Variants in ARHGAP5 observed in about 807,000 individuals in gnomAD.
ARHGAP5 encodes rho GTPase-activating protein 5.
In ARHGAP5, 23 loss-of-function variants were observed where a neutral mutation model predicts 116.6. That is an observed-to-expected ratio of 0.20 (90% confidence interval 0.14 to 0.28). The LOEUF (loss-of-function observed/expected upper bound fraction) is 0.28, where lower values mean the gene tolerates loss of function less well. ARHGAP5 is among the 10% of genes least tolerant of loss of function. ARHGAP5 has a pLI of 1.00. For synonymous variants in ARHGAP5, 574 were observed against 602.0 expected (o/e 0.95, Z 0.68); for missense variants, 1,405 against 1,774.8 (o/e 0.79, Z 3.74).
chr14:32,089,233 T>C (rs2041860558), intron 1 of ARHGAP5, among the ~76,000 whole-genome samples: 1 of 151,988 alleles, frequency 6.6e-6, no homozygotes, highest in Non-Finnish European at 1.5e-5. Flanking sequence ...GTGTAACATA[T>C]GTTCGGTGTA....
intron 3 of ARHGAP5, among the ~76,000 whole-genome samples, chr14:32,129,016 T>A (rs1880338694): frequency 6.6e-6 from 1 of 152,208 alleles, no homozygotes; most frequent in Non-Finnish European, 1.5e-5. Context: ...TTTTTCTGCA[T>A]TTTTAGTTTT....
intron 1 of ARHGAP5, among the ~76,000 whole-genome samples, chr14:32,077,663 C>T (rs1467229876): frequency 2.0e-5 from 3 of 151,908 alleles, no homozygotes; most frequent in Non-Finnish European, 2.9e-5. Flanking sequence ...GCAGAGAGGC[C>T]GGGGGAGGGG....
intron 3 of ARHGAP5, among the ~76,000 whole-genome samples, chr14:32,134,363 G>A (rs1880674698): frequency 6.6e-6 from 1 of 152,132 alleles, no homozygotes; most frequent in African/African-American, 2.4e-5. Context: ...ACTCGTTTTT[G>A]ATAAATTGAG....
rs763829353 is a variant in ARHGAP5 at position 32,092,879 on chromosome 14, A to G, written c.2210A>G (p.Tyr737Cys). The G allele has an allele frequency of 5.0e-6, 8 of 1,613,876 alleles. No individual in the cohort carries two copies. In the African/African-American group the frequency reaches 1.1e-4, roughly 22 times the overall value. Reference protein sequence around the residue: ...CPFVDVPAGTYPRKFNETQIK... With the variant: ...CPFVDVPAGTCPRKFNETQIK... ...TTTGTAGATGTACCTGCTGGTACAT[A>G]TCCTCGTAAATTTAATGAAACCCAA... Residue 737 changes from tyrosine to cysteine, a missense_variant, in exon 2 of 7, where the codon TAT becomes TGT. This residue lies in a region of ARHGAP5 where 944 missense variants were observed against 1,095.3 expected (regional missense o/e 0.86). Coordinates refer to ENST00000345122, the MANE Select transcript of ARHGAP5 (RefSeq NM_001030055.2). The surrounding 1 kb of genome is among the most constrained non-coding windows in gnomAD (Gnocchi z 4.1).
intron 1 of ARHGAP5, among the ~76,000 whole-genome samples, chr14:32,082,414 AC>A (rs1471082946): frequency 3.3e-5 from 5 of 152,338 alleles, no homozygotes; most frequent in South Asian, 2.1e-4. Context: ...AGTGAAATGA[AC>A]CACCATCTAT....
At chr14:32,119,363 T>C (rs1223368279) in intron 3 of ARHGAP5, among the ~76,000 whole-genome samples, 1 of 152,120 alleles carries the variant, frequency 6.6e-6, no homozygotes, top group Non-Finnish European at 1.5e-5. Context: ...TGTAGTGATA[T>C]AAATGATCAG....
chr14:32,110,991 T>G (rs1278613476), intron 2 of ARHGAP5, among the ~76,000 whole-genome samples: 1 of 152,012 alleles, frequency 6.6e-6, no homozygotes, highest in Admixed American at 6.5e-5. Context: ...TAAACTGATG[T>G]TGTTAGGGTG....
intron 3 of ARHGAP5, among the ~76,000 whole-genome samples, chr14:32,135,563 C>T (rs61427077): frequency 7.9e-5 from 12 of 152,078 alleles, no homozygotes; most frequent in South Asian, 2.1e-4. Context: ...GCTGGGTTTA[C>T]GGGCACATGC....
chr14:32,154,835 C>A lies in ARHGAP5; in HGVS notation c.4396C>A (p.Pro1466Thr). 1 of 1,614,102 alleles carries A rather than the reference C, an allele frequency of 6.2e-7. No individual in the cohort carries two copies. Among genetic ancestry groups the A allele is most frequent in the Non-Finnish European group, 8.5e-7 (1 of 1,179,954 alleles). ...GACAAACATTGTGGCTCCTCCACCA[C>A]CTTCAAACCCAGGACAGTTGGTGGA... ...ETTNIVAPPP[P>T]SNPGQLVEPM... is the part of the protein sequence containing the mutation. The change falls in exon 7 of 7, where the codon CCT (proline) becomes ACT (threonine). Residue 1466 changes from proline to threonine, a missense_variant. Transcript: ENST00000345122.
At chr14:32,131,199 G>A (rs960709243) in intron 3 of ARHGAP5, among the ~76,000 whole-genome samples, 1 of 147,774 alleles carries the variant, frequency 6.8e-6, no homozygotes, top group Non-Finnish European at 1.5e-5. Context: ...CTTTTTTGTT[G>A]TATCAATCCA....
At chr14:32,079,433 C>T (rs79479381) in intron 1 of ARHGAP5, among the ~76,000 whole-genome samples, 1 of 152,094 alleles carries the variant, frequency 6.6e-6, no homozygotes, top group African/African-American at 2.4e-5. Context: ...AAATTATTAC[C>T]TTAATTCTGT....
rs527860990 is a variant in ARHGAP5, at chr14:32,149,869, A to G, written c.3944-33A>G. 2.5e-5 allele frequency: 32 copies of G among 1,288,022 alleles called. No individual in the cohort carries two copies. In the Admixed American group the frequency reaches 3.0e-4, roughly 12 times the overall value. 79.8% of individuals were successfully genotyped at this position (1,288,022 alleles called of 1,614,324 possible). A position where few individuals can be genotyped will look rare whatever the true frequency, so the allele number is the denominator to read the frequency against. ...CTTGCTTCTATAATAAAGTTTTATT[A>G]TATAATTTAAAATGTTAATTTTTGT... is the stretch of plus-strand genomic sequence containing the variant. On this transcript the variant is annotated intron_variant, in intron 4 of 6. Transcript: ENST00000345122.
In ARHGAP5 at chr14:32,152,429, C is replaced by T. The variant is rs371504762; in HGVS notation, c.4082C>T (p.Pro1361Leu). ...HPELLEAAKI[P>L]DKTERLHALK... Reference sequence around the variant, plus strand: ...CACTGTTTTAATTTTACAGAAATCCCGGATAAAACAGAACGTCTTCATGCC... The same window carrying T: ...CACTGTTTTAATTTTACAGAAATCCTGGATAAAACAGAACGTCTTCATGCC... The change falls in exon 6 of 7, where the codon CCG becomes CTG. Residue 1361 changes from proline to leucine, a missense_variant. Pro to Leu is a moderately conservative substitution (Grantham distance 98). Transcript: ENST00000345122. 9.0e-5 allele frequency: 143 copies of T among 1,589,784 alleles called. No homozygotes were observed. Among genetic ancestry groups the T allele is most frequent in the Non-Finnish European group, 1.0e-4 (120 of 1,169,492 alleles).
chr14:32,134,357 G>A (rs145113341), intron 3 of ARHGAP5, among the ~76,000 whole-genome samples: 3 of 152,136 alleles, frequency 2.0e-5, no homozygotes, highest in African/African-American at 2.4e-5. Context: ...TAAGAAACTC[G>A]TTTTTGATAA....
chr14:32,149,754 C>G, intron 4 of ARHGAP5, 148 bp from the exon 5 acceptor site: 1 of 382,152 alleles, frequency 2.6e-6, no homozygotes, highest in Non-Finnish European at 4.4e-6. Flanking sequence ...GCTGGGGCAA[C>G]AAAAGTAAAA....
intron 2 of ARHGAP5, among the ~76,000 whole-genome samples, chr14:32,112,172 CTTG>C (rs1213994346): frequency 1.3e-5 from 2 of 152,120 alleles, no homozygotes; most frequent in African/African-American, 4.8e-5. Flanking sequence ...ATCCAGTTTT[CTTG>C]TTTCCACAGC....
chr14:32,116,450 G>A (rs1879597600), intron 2 of ARHGAP5, among the ~76,000 whole-genome samples: 2 of 150,614 alleles, frequency 1.3e-5, no homozygotes, highest in African/African-American at 4.9e-5. Context: ...ATAATTAGCC[G>A]GGCGTGGTGG....
intron 2 of ARHGAP5, among the ~76,000 whole-genome samples, chr14:32,100,473 C>CGT (rs202238120): frequency 5.0e-4 from 76 of 152,222 alleles, no homozygotes; most frequent in African/African-American, 1.7e-3. Context: ...ACTAGGACTA[C>CGT]GTGTGTGTGC....
At chr14:32,117,099 A>G (rs752993034) in intron 2 of ARHGAP5, 41 bp from the exon 3 acceptor site, 1 of 1,487,594 alleles carries the variant, frequency 6.7e-7, no homozygotes, top group South Asian at 1.3e-5. Context: ...TTATTCTGAA[A>G]TTAATTTTAA....
Sources: gnomAD v4.1 joint callset for allele counts (sites outside exome capture counted in the v4.1 genomes callset) on GRCh38, gnomAD v4.1.1 for gene constraint, gnomAD v4.1.1 regional missense constraint, Gnocchi (gnomAD v3.1) non-coding constraint, MANE v1.5 for transcripts, NCBI Gene and HGNC (gene_info 2026-07-23, HGNC 2026-07-21) for gene names.